FMN2: variants seen among roughly 807,000 people sequenced by gnomAD.
FMN2 encodes the protein formin 2, also known as formin-2.
A neutral mutation model predicts 142.3 loss-of-function variants in FMN2; 51 were observed. The ratio of observed to expected loss-of-function variants is 0.36; its 90% CI spans 0.29 to 0.45. FMN2 has a LOEUF of 0.45. Among genes scored for constraint, FMN2 ranks in the 20% least tolerant of loss-of-function variants. FMN2 has a pLI of 1.00. For missense variants in FMN2, 1,936 were observed against 2,122.8 expected, an observed-to-expected ratio of 0.91 and a Z score of 1.73; for synonymous variants, 882 against 869.8, an observed-to-expected ratio of 1.01 and a Z score of -0.25.
intron 15 of FMN2, among the ~76,000 whole-genome samples, chr1:240,412,667 A>T (rs1674437715): frequency 6.6e-6 from 1 of 152,186 alleles, no homozygotes; most frequent in African/African-American, 2.4e-5. Flanking sequence ...TGACAGAATT[A>T]TAGGAATACA....
At chr1:240,437,291 G>GA (rs1558106124) in intron 15 of FMN2, among the ~76,000 whole-genome samples, 3 of 119,712 alleles carry the variant, frequency 2.5e-5, no homozygotes, top group African/African-American at 1.3e-4. Flanking sequence ...AGCATCTCTT[G>GA]CTTTTTTTTT....
rs554200525 is a variant in FMN2 at position 240,243,793 on chromosome 1, G to A, written c.4066-14152G>A. On this transcript the variant is annotated intron_variant, in intron 6 of 17. Coordinates refer to ENST00000319653, the MANE Select transcript of FMN2 (RefSeq NM_020066.5). ...AGGCAAAGACATGTCCTGAAATATG[G>A]ATCTCCTACTCTGATACAGATCAAA... Among the ~76,000 whole-genome samples the A allele has an allele frequency of 7.2e-5, 11 of 152,268 alleles. No individual in the cohort carries two copies. In the South Asian group the frequency reaches 2.3e-3, roughly 32 times the overall value.
intron 15 of FMN2, among the ~76,000 whole-genome samples, chr1:240,396,302 TCG>T (rs1491588261): frequency 9.5e-5 from 10 of 105,062 alleles, no homozygotes; most frequent in African/African-American, 4.0e-4. Context: ...TCCGAGGTTT[TCG>T]TGTGTGTGTG....
chr1:240,387,846 C>T (rs1195791456), intron 14 of FMN2, among the ~76,000 whole-genome samples: 1 of 152,056 alleles, frequency 6.6e-6, no homozygotes, highest in East Asian at 1.9e-4. Context: ...AAGAGGATGA[C>T]TAGACACCAG....
intron 14 of FMN2, among the ~76,000 whole-genome samples, chr1:240,382,843 G>A (rs939089026): frequency 3.9e-5 from 6 of 151,942 alleles, no homozygotes; most frequent in Admixed American, 2.0e-4. Flanking sequence ...CAGGCATCAC[G>A]TTTTGTAGCT....
At chr1:240,227,549 A>G (rs1336470049) in intron 6 of FMN2, among the ~76,000 whole-genome samples, 1 of 152,228 alleles carries the variant, frequency 6.6e-6, no homozygotes, top group South Asian at 2.1e-4. Flanking sequence ...TTCAAAAGTT[A>G]TTACAAAACT....
intron 2 of FMN2, among the ~76,000 whole-genome samples, chr1:240,126,892 C>T (rs938239721): frequency 1.3e-5 from 2 of 152,058 alleles, no homozygotes; most frequent in Non-Finnish European, 2.9e-5. Context: ...TGAAGGAACA[C>T]AGGACCAACA....
chr1:240,300,472 T>C (rs903239655), intron 8 of FMN2, among the ~76,000 whole-genome samples: 3 of 152,180 alleles, frequency 2.0e-5, no homozygotes, highest in Non-Finnish European at 4.4e-5. Context: ...TCACTACTGT[T>C]TTCTCTTTGT....
At chr1:240,193,763 G>A (rs148938312) in intron 4 of FMN2, among the ~76,000 whole-genome samples, 6 of 152,334 alleles carry the variant, frequency 3.9e-5, no homozygotes, top group East Asian at 3.9e-4. Context: ...GTATTCTCCC[G>A]ATGGGTCTCT....
intron 2 of FMN2, among the ~76,000 whole-genome samples, chr1:240,158,468 AAAGAGTCAT>A (rs1664127676): frequency 3.9e-5 from 6 of 152,182 alleles, no homozygotes; most frequent in Non-Finnish European, 5.9e-5. Context: ...TATGATTAGG[AAAGAGTCAT>A]TTAGACTTCA....
chr1:240,407,194 G>T (rs548594693), intron 15 of FMN2, among the ~76,000 whole-genome samples: 10 of 151,668 alleles, frequency 6.6e-5, no homozygotes, highest in Non-Finnish European at 1.5e-4. Context: ...CTGGAGTTCA[G>T]TGGTGCGATC....
At chr1:240,150,043 C>A (rs1166408783) in intron 2 of FMN2, among the ~76,000 whole-genome samples, 1 of 152,128 alleles carries the variant, frequency 6.6e-6, no homozygotes, top group Non-Finnish European at 1.5e-5. Context: ...ACAGCACTTA[C>A]TCCATTAAAG....
intron 15 of FMN2, among the ~76,000 whole-genome samples, chr1:240,413,978 G>A (rs570572796): frequency 2.0e-5 from 3 of 152,284 alleles, no homozygotes; most frequent in East Asian, 1.9e-4. Flanking sequence ...TACAAATATC[G>A]TTGGGCTAGT....
chr1:240,214,361 C>G (rs529729097), intron 6 of FMN2, among the ~76,000 whole-genome samples: 12 of 151,710 alleles, frequency 7.9e-5, no homozygotes, highest in Non-Finnish European at 1.6e-4. Context: ...ACCATCCTGG[C>G]TAACATGTAG....
intron 15 of FMN2, among the ~76,000 whole-genome samples, chr1:240,436,893 G>A (rs896266745): frequency 6.6e-6 from 1 of 152,092 alleles, no homozygotes; most frequent in African/African-American, 2.4e-5. Context: ...GAGTTTTTGT[G>A]GAGCAGAAAT....
intron 2 of FMN2, among the ~76,000 whole-genome samples, chr1:240,165,735 C>G (rs1664455320): frequency 6.6e-6 from 1 of 151,708 alleles, no homozygotes; most frequent in South Asian, 2.1e-4. Context: ...CACTAATATT[C>G]CAAGATCACC....
chr1:240,121,221 A>C (rs558509009), intron 1 of FMN2, among the ~76,000 whole-genome samples: 5 of 152,196 alleles, frequency 3.3e-5, no homozygotes, highest in African/African-American at 1.2e-4. Flanking sequence ...TAACATTAGA[A>C]CCAACTGACA....
intron 6 of FMN2, among the ~76,000 whole-genome samples, chr1:240,243,201 A>G (rs1667971190): frequency 6.6e-6 from 1 of 152,158 alleles, no homozygotes; most frequent in South Asian, 2.1e-4. Flanking sequence ...AGCATTCTTC[A>G]CTTTTGAGTG....
intron 2 of FMN2, among the ~76,000 whole-genome samples, chr1:240,137,179 T>G (rs1462356846): frequency 6.6e-6 from 1 of 151,822 alleles, no homozygotes; most frequent in African/African-American, 2.4e-5. Flanking sequence ...TTGTTTCTTG[T>G]TTTTTGTTTT....
Sources: allele counts gnomAD v4.1 joint callset (sites outside exome capture counted in the v4.1 genomes callset), GRCh38; gene constraint gnomAD v4.1.1; transcripts MANE v1.5; gene names NCBI Gene and HGNC (gene_info 2026-07-23, HGNC 2026-07-21).